KIRREL3: variants seen among roughly 807,000 people sequenced by gnomAD.
KIRREL3 encodes kirre like nephrin family adhesion molecule 3.
KIRREL3 carries 36 observed loss-of-function variants against 89.7 expected under a neutral mutation model. That is an observed-to-expected ratio of 0.40 (90% CI 0.31 to 0.53). KIRREL3 has a LOEUF of 0.53. Among genes scored for constraint, KIRREL3 ranks in the 20% least tolerant of loss-of-function variants. KIRREL3 has a pLI of 0.49. For missense variants in KIRREL3, 864 were observed against 1,056.6 expected, an observed-to-expected ratio of 0.82 and a Z score of 2.53; for synonymous variants, 445 against 441.4, an observed-to-expected ratio of 1.01 and a Z score of -0.10.
At chr11:126,517,136 AAGAGAGAG>A (rs199586143) in intron 4 of KIRREL3, among the ~76,000 whole-genome samples, 48 of 140,900 alleles carry the variant, frequency 3.4e-4, no homozygotes, top group African/African-American at 6.8e-4. Flanking sequence ...GAGAGAGAGA[AAGAGAGAG>A]AGAGAGAGAG....
At chr11:126,951,149 C>T (rs1948763509) in intron 1 of KIRREL3, among the ~76,000 whole-genome samples, 1 of 152,186 alleles carries the variant, frequency 6.6e-6, no homozygotes, top group African/African-American at 2.4e-5. Flanking sequence ...CATCTCTCTA[C>T]CTGCCATGTG....
In KIRREL3 at chr11:126,569,900, G is replaced by C. The variant is rs1037777064; in HGVS notation, c.56-6988C>G. ...TGATTGCAGAATGATGGGGTCTTCT[G>C]TTTGGAAAGTTTTCACTTTGATTCT... On this transcript the variant is annotated intron_variant, in intron 1 of 16. Transcript: ENST00000525144. The surrounding 1 kb of genome is among the most constrained non-coding windows in gnomAD (Gnocchi z 6.5). Among the ~76,000 whole-genome samples, 1 of 152,112 alleles carries C rather than the reference G, an allele frequency of 6.6e-6. No homozygotes were observed. Among genetic ancestry groups the C allele is most frequent in the Non-Finnish European group, 1.5e-5 (1 of 68,016 alleles).
Position 126,425,618 on chromosome 11 carries a change from T to C in KIRREL3, c.1893+20A>G. On this transcript the variant is annotated intron_variant, in intron 16 of 16. Transcript: ENST00000525144. ...GACCAGATTCCATGGCTGTGTCTTA[T>C]AACCCGGGGCCCTTCTTACCTTCAG... 2 of 1,557,702 alleles carry C rather than the reference T, an allele frequency of 1.3e-6. No homozygotes were observed. The highest frequency in any genetic ancestry group is 1.7e-6 in the Non-Finnish European group (2 of 1,146,634).
chr11:126,552,642 C>A (rs1361922325), intron 2 of KIRREL3, among the ~76,000 whole-genome samples: 1 of 131,750 alleles, frequency 7.6e-6, no homozygotes, highest in African/African-American at 2.8e-5. Flanking sequence ...GCTCACTGAA[C>A]CTCTGCCTCC....
At position 126,890,226 on chromosome 11, in the gene KIRREL3, T is replaced by C. The variant is rs1158544402; in HGVS notation, c.55+110229A>G. Among the ~76,000 whole-genome samples, 1 of 152,144 alleles carries C rather than the reference T, an allele frequency of 6.6e-6. No homozygotes were observed. The highest frequency in any genetic ancestry group is 1.9e-4 in the East Asian group (1 of 5,174). On this transcript the variant is annotated intron_variant, in intron 1 of 16. Transcript: ENST00000525144. This position sits in a 1 kb window ranked among gnomAD's most constrained non-coding sequence, Gnocchi z 5.1. ...TGGTTTCTGGCTCCCGGCAGGTTCA[T>C]GAAAGAGAAAGGGTCTTCTTCCTGA...
rs1955070950 is a variant in KIRREL3, at chr11:126,430,039, C to T, written c.1697-751G>A. ...AATGCCAGCTACTCGGGAGGCTGAG[C>T]ATGAGACTCGCTTGAATGAACCCGG... On this transcript the variant is annotated intron_variant, in intron 14 of 16. Transcript: ENST00000525144. The surrounding 1 kb of genome is among the most constrained non-coding windows in gnomAD (Gnocchi z 6.6). 6.6e-6 allele frequency among the ~76,000 whole-genome samples: 1 copy of T among 151,874 alleles called. No homozygotes were observed. The highest frequency in any genetic ancestry group is 2.4e-5 in the African/African-American group (1 of 41,306).
chr11:126,684,833 G>A lies in KIRREL3; in HGVS notation c.56-121921C>T, dbSNP rs191375909. On this transcript the variant is annotated intron_variant, in intron 1 of 16. Transcript: ENST00000525144. The surrounding 1 kb of genome is among the most constrained non-coding windows in gnomAD (Gnocchi z 4.2). ...GCGTGTGCGGGAGGGGAGAGGTAGT[G>A]TTGGCTTGGACCACAGCGGGAGGGA... Among the ~76,000 whole-genome samples, 484 of 152,272 alleles carry A rather than the reference G, an allele frequency of 3.2e-3. 10 individuals are homozygous for A. The highest frequency in any genetic ancestry group is 1.2e-3 in the Non-Finnish European group (81 of 68,014).
At chr11:126,540,563 C>A (rs628570) in intron 2 of KIRREL3, among the ~76,000 whole-genome samples, 55,689 of 152,168 alleles carry the variant, frequency 0.37, 11,579 homozygotes, top group East Asian at 0.85. Flanking sequence ...GATGATCAGG[C>A]TCGCGGCCCC....
rs543548224 is a variant in KIRREL3, at chr11:126,708,025, G to C, written c.56-145113C>G. ...CGGTGGAGGGTGAAACAGGCGATTG[G>C]CAATACTCCCCTCCGCATCCCTGAA... On this transcript the variant is annotated intron_variant, in intron 1 of 16. Coordinates refer to ENST00000525144, the MANE Select transcript of KIRREL3 (RefSeq NM_032531.4). The surrounding 1 kb of genome is among the most constrained non-coding windows in gnomAD (Gnocchi z 5.7). Among the ~76,000 whole-genome samples the C allele has an allele frequency of 1.1e-3, 161 of 152,196 alleles. 2 individuals are homozygous for C. In the South Asian group the frequency reaches 0.024, roughly 23 times the overall value.
In KIRREL3 at chr11:126,724,164, G is replaced by C. The variant is rs752307605; in HGVS notation, c.56-161252C>G. ...TCCCACTTGACTTAAGAGACAATGTGGGGAAGAACATCACCCCCATTTCAA... is the reference window on the plus strand; with the variant it reads ...TCCCACTTGACTTAAGAGACAATGTCGGGAAGAACATCACCCCCATTTCAA... On this transcript the variant is annotated intron_variant, in intron 1 of 16. Transcript: ENST00000525144. The surrounding 1 kb of genome is among the most constrained non-coding windows in gnomAD (Gnocchi z 4.3). Among the ~76,000 whole-genome samples the C allele has an allele frequency of 5.3e-5, 8 of 152,166 alleles. No individual in the cohort carries two copies. Among genetic ancestry groups the C allele is most frequent in the Non-Finnish European group, 1.2e-4 (8 of 68,026 alleles).
In KIRREL3 at chr11:126,960,003, T is replaced by A. The variant is rs867076370; in HGVS notation, c.55+40452A>T. On this transcript the variant is annotated intron_variant, in intron 1 of 16. Transcript: ENST00000525144. ...ACTGATCCACTGTTTATTGTTTTTT[T>A]AATCCCTCAGTTCTCAGCAATGTAC... 1.7e-4 allele frequency among the ~76,000 whole-genome samples: 26 copies of A among 152,312 alleles called. No homozygotes were observed. In the Middle Eastern group the frequency reaches 0.024, roughly 139 times the overall value.
Position 126,979,232 on chromosome 11 carries a change from A to G in KIRREL3, c.55+21223T>C, listed in dbSNP as rs570646037. ...AAAGAGAGAAAGGGAGAGAGAAATGAATAGAAATGAGAGTATGAGTTTCAT... is the reference window on the plus strand; with the variant it reads ...AAAGAGAGAAAGGGAGAGAGAAATGGATAGAAATGAGAGTATGAGTTTCAT... On this transcript the variant is annotated intron_variant, in intron 1 of 16. Transcript: ENST00000525144. 2.6e-5 allele frequency among the ~76,000 whole-genome samples: 4 copies of G among 152,336 alleles called. No individual in the cohort carries two copies. In the East Asian group the frequency reaches 7.7e-4, roughly 29 times the overall value.
chr11:126,975,898 CCCTCCCTT>C (rs1565470828), intron 1 of KIRREL3, among the ~76,000 whole-genome samples: 9 of 105,034 alleles, frequency 8.6e-5, no homozygotes, highest in East Asian at 3.6e-4. Flanking sequence ...CTCCCTCCCT[CCCTCCCTT>C]CCTCCCTCCC....
At chr11:126,853,635 A>C (rs1170127724) in intron 1 of KIRREL3, among the ~76,000 whole-genome samples, 2 of 152,168 alleles carry the variant, frequency 1.3e-5, no homozygotes, top group Non-Finnish European at 2.9e-5. Flanking sequence ...ACAGCTCTTC[A>C]TATTCACCCA....
chr11:126,470,930 A>C (rs1020469344), intron 5 of KIRREL3, among the ~76,000 whole-genome samples: 1 of 152,222 alleles, frequency 6.6e-6, no homozygotes. Context: ...TCTGTGGTAC[A>C]TTAACCCCAT....
rs1238055669 is a variant in KIRREL3 at position 126,561,720 on chromosome 11, G to A, written c.133+1115C>T. On this transcript the variant is annotated intron_variant, in intron 2 of 16. Transcript: ENST00000525144. The surrounding 1 kb of genome is among the most constrained non-coding windows in gnomAD (Gnocchi z 4.5). Reference sequence around the variant, plus strand: ...TGGCTTCAGGCAGGCAGCAAATGGGGGAGGTGATCACTTCCTGTGCTTAAT... The same window carrying A: ...TGGCTTCAGGCAGGCAGCAAATGGGAGAGGTGATCACTTCCTGTGCTTAAT... 6.6e-6 allele frequency among the ~76,000 whole-genome samples: 1 copy of A among 152,192 alleles called. No homozygotes were observed. Among genetic ancestry groups the A allele is most frequent in the East Asian group, 1.9e-4 (1 of 5,192 alleles).
chr11:126,902,712 A>G (rs1018283133), intron 1 of KIRREL3, among the ~76,000 whole-genome samples: 6 of 152,256 alleles, frequency 3.9e-5, no homozygotes, highest in Admixed American at 1.3e-4. Context: ...GGAAGCAGAC[A>G]GGATGCTGGG....
chr11:126,873,907 C>T (rs1377807982), intron 1 of KIRREL3, among the ~76,000 whole-genome samples: 3 of 152,230 alleles, frequency 2.0e-5, no homozygotes, highest in Non-Finnish European at 4.4e-5. Context: ...CATATTGGGG[C>T]ACCCAGACCA....
chr11:126,573,360 A>C (rs1356508466), intron 1 of KIRREL3, among the ~76,000 whole-genome samples: 1 of 152,160 alleles, frequency 6.6e-6, no homozygotes, highest in Admixed American at 6.5e-5. Flanking sequence ...GGGCATTGTA[A>C]CTTGGGCCAC....
Sources: gnomAD v4.1 joint callset for allele counts (sites outside exome capture counted in the v4.1 genomes callset) on GRCh38, gnomAD v4.1.1 for gene constraint, Gnocchi (gnomAD v3.1) non-coding constraint, MANE v1.5 for transcripts, NCBI Gene and HGNC (gene_info 2026-07-23, HGNC 2026-07-21) for gene names.